ADARB2: variants seen among roughly 807,000 people sequenced by gnomAD.
ADARB2 encodes the protein inactive double-stranded RNA-specific editase B2.
ADARB2 carries 25 observed loss-of-function variants against 62.2 expected under a neutral mutation model. The observed-to-expected ratio is 0.40, with a 90% CI of 0.29 to 0.56. ADARB2 has a LOEUF of 0.56. ADARB2 is among the 20% of genes least tolerant of loss of function. The pLI is 0.43. For missense variants in ADARB2, 1,071 were observed against 1,077.4 expected (o/e 0.99, Z 0.08); for synonymous variants, 572 against 500.8 (o/e 1.14, Z -1.90).
At chr10:1,377,996 C>G (rs898671483) in intron 2 of ADARB2, among the ~76,000 whole-genome samples, 1 of 152,202 alleles carries the variant, frequency 6.6e-6, no homozygotes, top group Non-Finnish European at 1.5e-5. Context: ...CCCAGGGTCA[C>G]CTCGCCTCCT....
intron 1 of ADARB2, among the ~76,000 whole-genome samples, chr10:1,682,918 C>G (rs1323121851): frequency 6.6e-6 from 1 of 152,186 alleles, no homozygotes; most frequent in Admixed American, 6.5e-5. Context: ...GCCCATGAGG[C>G]CAACACCTGA....
At chr10:1,421,881 T>G (rs1832855144) in intron 1 of ADARB2, among the ~76,000 whole-genome samples, 1 of 152,242 alleles carries the variant, frequency 6.6e-6, no homozygotes, top group Non-Finnish European at 1.5e-5. Context: ...ATTTGTTCCT[T>G]GATGGGTCTG....
chr10:1,473,839 C>A (rs2131918836), intron 1 of ADARB2, among the ~76,000 whole-genome samples: 1 of 152,272 alleles, frequency 6.6e-6, no homozygotes, highest in Non-Finnish European at 1.5e-5. Flanking sequence ...GGGTGTTCAC[C>A]AGGATGGAAA....
intron 5 of ADARB2, among the ~76,000 whole-genome samples, chr10:1,241,183 C>T (rs1014724385): frequency 1.3e-5 from 2 of 152,068 alleles, no homozygotes; most frequent in Admixed American, 6.6e-5. Flanking sequence ...TGCTTCAACC[C>T]GGGAGGCAGA....
rs967612480 is a variant in ADARB2 at position 1,228,731 on chromosome 10, G to A, written c.1513+4963C>T. Reference sequence around the variant, plus strand: ...CGCGAAAGCAGCTTTCCCCTCGGTCGCATGCGATGCACCACGAACACTTTT... The same window carrying A: ...CGCGAAAGCAGCTTTCCCCTCGGTCACATGCGATGCACCACGAACACTTTT... On this transcript the variant is annotated intron_variant, in intron 6 of 9. Coordinates refer to ENST00000381312, the MANE Select transcript of ADARB2 (RefSeq NM_018702.4). Among the ~76,000 whole-genome samples, 5 of 152,314 alleles carry A rather than the reference G, an allele frequency of 3.3e-5. No homozygotes were observed. The East Asian group carries it at 5.8e-4, about 18-fold the overall frequency.
chr10:1,713,522 C>A (rs975156364), intron 1 of ADARB2, among the ~76,000 whole-genome samples: 4 of 151,668 alleles, frequency 2.6e-5, no homozygotes, highest in African/African-American at 9.8e-5. Flanking sequence ...ATGGCCACAG[C>A]AGGACGGTGC....
At chr10:1,583,234 C>T (rs149981248) in intron 1 of ADARB2, among the ~76,000 whole-genome samples, 2 of 152,218 alleles carry the variant, frequency 1.3e-5, no homozygotes, top group Non-Finnish European at 2.9e-5. Flanking sequence ...GTAAAAAATG[C>T]CACATGATAA....
At chr10:1,735,068 T>C (rs963776340) in intron 1 of ADARB2, among the ~76,000 whole-genome samples, 1 of 152,232 alleles carries the variant, frequency 6.6e-6, no homozygotes, top group African/African-American at 2.4e-5. Context: ...TTTAGCCGTT[T>C]GATTTGACTT....
Position 1,362,797 on chromosome 10 carries a change from C to T in ADARB2, c.1077+231G>A, listed in dbSNP as rs1832271757. On this transcript the variant is annotated intron_variant, in intron 3 of 9. Transcript: ENST00000381312. ...CAGAGGCGCCCTGGCCGCTCCCCAC[C>T]CGGCCTCGCTGTCTCCTCCCGGGCA... Among the ~76,000 whole-genome samples the T allele has an allele frequency of 2.0e-5, 3 of 152,230 alleles. No individual in the cohort carries two copies. In the East Asian group the frequency reaches 5.8e-4, roughly 29 times the overall value.
At chr10:1,265,133 C>T (rs1030982300) in intron 4 of ADARB2, among the ~76,000 whole-genome samples, 4 of 152,238 alleles carry the variant, frequency 2.6e-5, no homozygotes, top group Non-Finnish European at 2.9e-5. Flanking sequence ...AGCTCTGCCC[C>T]GCCCTCAGGG....
chr10:1,522,275 T>G (rs939142593), intron 1 of ADARB2, among the ~76,000 whole-genome samples: 1 of 152,104 alleles, frequency 6.6e-6, no homozygotes, highest in African/African-American at 2.4e-5. Flanking sequence ...TATAACCAGA[T>G]AGACAGGGAT....
chr10:1,216,012 A>T (rs1837228228), intron 7 of ADARB2: 1 of 151,884 alleles, frequency 6.6e-6, no homozygotes, highest in Non-Finnish European at 1.5e-5. Context: ...TCGGGGCCTC[A>T]GAGCAACGTG....
chr10:1,293,228 G>GGTGGAGAGGGACAGAGGGAGGGAA, intron 3 of ADARB2, among the ~76,000 whole-genome samples: 1 of 108,450 alleles, frequency 9.2e-6, no homozygotes. Context: ...GAGAGGGACG[G>GGTGGAGAGGGACAGAGGGAGGGAA]GGAGGGAGAG....
intron 1 of ADARB2, among the ~76,000 whole-genome samples, chr10:1,479,070 G>C (rs1831437488): frequency 6.6e-6 from 1 of 152,196 alleles, no homozygotes; most frequent in African/African-American, 2.4e-5. Flanking sequence ...GTCTTGGGCA[G>C]GGGCAGCATA....
At chr10:1,350,771 G>A (rs951975693) in intron 3 of ADARB2, among the ~76,000 whole-genome samples, 6 of 151,976 alleles carry the variant, frequency 3.9e-5, no homozygotes, top group Admixed American at 3.3e-4. Context: ...ATCCGCTCCC[G>A]ACATTAAATA....
At position 1,585,624 on chromosome 10, in the gene ADARB2, T is replaced by A. The variant is rs193174840; in HGVS notation, c.100+151427A>T. Among the ~76,000 whole-genome samples, 566 of 152,346 alleles carry A rather than the reference T, an allele frequency of 3.7e-3. 2 individuals carry two copies. Among genetic ancestry groups the A allele is most frequent in the Admixed American group, 6.3e-3 (96 of 15,308 alleles). On this transcript the variant is annotated intron_variant, in intron 1 of 9. Transcript: ENST00000381312. ...GGGAATTGTGTATTCGGTGAAAAGCTACCTATGACCTGGAAGCCCCTGCTG... is the reference window on the plus strand; with the variant it reads ...GGGAATTGTGTATTCGGTGAAAAGCAACCTATGACCTGGAAGCCCCTGCTG...
At position 1,262,719 on chromosome 10, in the gene ADARB2, G is replaced by A. The variant is rs564761606; in HGVS notation, c.1192+8236C>T. On this transcript the variant is annotated intron_variant, in intron 4 of 9. Transcript: ENST00000381312. ...TAGTTCAACCATTGTGGAAGTCAGT[G>A]TGGCGATTCCTCAGGGATCTAGAAC... Among the ~76,000 whole-genome samples, 141 of 152,312 alleles carry A rather than the reference G, an allele frequency of 9.3e-4. 2 individuals are homozygous for A. Among genetic ancestry groups the A allele is most frequent in the Non-Finnish European group, 1.8e-3 (120 of 68,022 alleles).
chr10:1,359,806 C>T (rs1832234777), intron 3 of ADARB2, among the ~76,000 whole-genome samples: 1 of 152,222 alleles, frequency 6.6e-6, no homozygotes, highest in Admixed American at 6.5e-5. Flanking sequence ...GGGTCTCTGA[C>T]CACCCGACGA....
At chr10:1,271,692 T>G (rs1831264953) in intron 3 of ADARB2, among the ~76,000 whole-genome samples, 1 of 152,044 alleles carries the variant, frequency 6.6e-6, no homozygotes. Flanking sequence ...CTTAACATAA[T>G]CTGATTAGTG....
Sources: gnomAD v4.1 joint callset for allele counts (sites outside exome capture counted in the v4.1 genomes callset) on GRCh38, gnomAD v4.1.1 for gene constraint, MANE v1.5 for transcripts, NCBI Gene and HGNC (gene_info 2026-07-23, HGNC 2026-07-21) for gene names.